The following RHOU variants were observed in gnomAD, a reference collection of about 807,000 sequenced individuals.
RHOU encodes rho-related GTP-binding protein RhoU.
In RHOU, 8 loss-of-function variants were observed where a neutral mutation model predicts 12.6. The observed-to-expected ratio is 0.64, with a 90% CI of 0.37 to 1.15. The LOEUF (loss-of-function observed/expected upper bound fraction) is 1.15. Among genes scored for constraint, RHOU ranks in the 50% most tolerant of loss-of-function variants. The pLI is 0.01. For synonymous variants in RHOU, 161 were observed against 147.4 expected (o/e 1.09, Z -0.67); for missense variants, 258 against 347.0 (o/e 0.74, Z 2.04).
chr1:228,674,918 A>G, the RHOU span, among the ~76,000 whole-genome samples: 44 of 151,284 alleles, frequency 2.9e-4, no homozygotes, highest in Middle Eastern at 3.4e-3. Flanking sequence ...TTTAGTAAAG[A>G]CGGGATTTCA....
At chr1:228,722,007 A>C in the RHOU span, among the ~76,000 whole-genome samples, 1 of 152,178 alleles carries the variant, frequency 6.6e-6, no homozygotes, top group Non-Finnish European at 1.5e-5. Context: ...CCAGCACCAG[A>C]AACTAACGAA....
the RHOU span, among the ~76,000 whole-genome samples, chr1:228,693,712 C>A: frequency 2.6e-5 from 4 of 152,276 alleles, no homozygotes; most frequent in Admixed American, 1.3e-4. Context: ...ATGATCGGCC[C>A]TCCTTGGCCT....
the RHOU span, among the ~76,000 whole-genome samples, chr1:228,707,126 A>ATATATATATATATATATATG: frequency 1.3e-4 from 10 of 75,384 alleles, 1 homozygote; most frequent in African/African-American, 1.3e-3. Flanking sequence ...ATATATATAT[A>ATATATATATATATATATATG]CATATATATA....
chr1:228,660,673 C>CT, the RHOU span, among the ~76,000 whole-genome samples: 1 of 151,866 alleles, frequency 6.6e-6, no homozygotes, highest in Non-Finnish European at 1.5e-5. Flanking sequence ...GTGGCTCACA[C>CT]CTGTAATCCT....
chr1:228,677,281 A>G, the RHOU span, among the ~76,000 whole-genome samples: 3 of 152,188 alleles, frequency 2.0e-5, no homozygotes, highest in Non-Finnish European at 4.4e-5. Context: ...CGAAAGACAC[A>G]AGGTCCAAAT....
chr1:228,740,996 T>C (rs568425956), intron 2 of RHOU, among the ~76,000 whole-genome samples: 1 of 152,082 alleles, frequency 6.6e-6, no homozygotes, highest in African/African-American at 2.4e-5. Context: ...GAGAAAAAAG[T>C]ATTGCGGAAA....
the RHOU span, among the ~76,000 whole-genome samples, chr1:228,714,044 T>C: frequency 2.6e-4 from 40 of 152,330 alleles, no homozygotes; most frequent in Admixed American, 3.9e-4. Context: ...AAAGGTTTTA[T>C]AGCCTCTATG....
chr1:228,687,388 G>A, the RHOU span: 1 of 948,948 alleles, frequency 1.1e-6, no homozygotes, highest in South Asian at 1.3e-5. Context: ...TTATAGAAAA[G>A]GTAAAGGAAA....
chr1:228,662,483 A>G, the RHOU span, among the ~76,000 whole-genome samples: 1 of 152,216 alleles, frequency 6.6e-6, no homozygotes, highest in African/African-American at 2.4e-5. Context: ...CATATACACC[A>G]TGGAATACTA....
At chr1:228,646,487 C>T in the RHOU span, among the ~76,000 whole-genome samples, 2 of 84,096 alleles carry the variant, frequency 2.4e-5, no homozygotes, top group South Asian at 4.9e-4. Flanking sequence ...CACCCAGAGC[C>T]GTCAGGGCTG....
At chr1:228,646,757 C>G in the RHOU span, among the ~76,000 whole-genome samples, 1 of 152,044 alleles carries the variant, frequency 6.6e-6, no homozygotes, top group Non-Finnish European at 1.5e-5. Context: ...CACACCCGTT[C>G]GTTCTCGTTC....
Position 228,744,025 on chromosome 1 carries a change from G to A in RHOU, c.*285G>A, listed in dbSNP as rs556940066. The stretch of plus-strand genomic sequence containing the variant: ...CCTCTGGTTAATTTATATCTAATAT[G>A]AAGAAGACACCTCTAATCTGGATGT... On this transcript the variant is annotated 3_prime_UTR_variant, in exon 3 of 3. Coordinates refer to ENST00000366691, the MANE Select transcript of RHOU (RefSeq NM_021205.6). 7.0e-5 allele frequency: 23 copies of A among 329,842 alleles called. No homozygotes were observed. The highest frequency in any genetic ancestry group is 1.9e-3 in the Middle Eastern group (2 of 1,036). 20.4% of individuals were successfully genotyped at this position (329,842 alleles called of 1,614,324 possible).
At chr1:228,726,556 T>G in the RHOU span, among the ~76,000 whole-genome samples, 1 of 151,610 alleles carries the variant, frequency 6.6e-6, no homozygotes, top group Non-Finnish European at 1.5e-5. Context: ...TCGCAGCTAC[T>G]CAGGAAGCTG....
At chr1:228,703,263 A>G in the RHOU span, among the ~76,000 whole-genome samples, 1 of 152,302 alleles carries the variant, frequency 6.6e-6, no homozygotes, top group East Asian at 1.9e-4. Flanking sequence ...GCGGCGTCTC[A>G]CATCTGTAAT....
chr1:228,697,355 C>G, the RHOU span, among the ~76,000 whole-genome samples: 1 of 152,218 alleles, frequency 6.6e-6, no homozygotes, highest in Non-Finnish European at 1.5e-5. Flanking sequence ...TGCAAAGAGA[C>G]AAGCACAGAG....
the RHOU span, among the ~76,000 whole-genome samples, chr1:228,648,730 A>G: frequency 6.6e-6 from 1 of 151,830 alleles, no homozygotes; most frequent in African/African-American, 2.4e-5. Flanking sequence ...TAAAATTTTT[A>G]TTTTTGAGAC....
At chr1:228,699,148 C>T in the RHOU span, among the ~76,000 whole-genome samples, 1 of 150,584 alleles carries the variant, frequency 6.6e-6, no homozygotes, top group South Asian at 2.1e-4. Context: ...TAAAGCCTTA[C>T]CGGGCTGGGT....
the RHOU span, chr1:228,687,742 T>C: frequency 3.5e-6 from 5 of 1,427,032 alleles, no homozygotes; most frequent in Non-Finnish European, 4.9e-6. Flanking sequence ...GTGACCAACT[T>C]GTGCAAGATG....
the RHOU span, among the ~76,000 whole-genome samples, chr1:228,716,745 C>A: frequency 0.018 from 1,881 of 104,752 alleles, 16 homozygotes; most frequent in Non-Finnish European, 0.024. Flanking sequence ...CATATACACA[C>A]ACATGTGTGT....
Sources: gnomAD v4.1 joint callset for allele counts (sites outside exome capture counted in the v4.1 genomes callset) on GRCh38, gnomAD v4.1.1 for gene constraint, MANE v1.5 for transcripts, NCBI Gene and HGNC (gene_info 2026-07-23, HGNC 2026-07-21) for gene names.